FBXL17: variants seen among roughly 807,000 people sequenced by gnomAD.
FBXL17 encodes F-box/LRR-repeat protein 17.
Under a neutral mutation model 66.2 loss-of-function variants are expected in FBXL17, and 22 were observed. The observed-to-expected ratio is 0.33, with a 90% CI of 0.24 to 0.47. The LOEUF is 0.47. Ranked by LOEUF, FBXL17 falls within the 20% of genes least tolerant of loss-of-function variation. The pLI, the probability that FBXL17 is intolerant of heterozygous loss-of-function variation, is 1.00. For synonymous variants in FBXL17, 474 were observed against 400.5 expected, an observed-to-expected ratio of 1.18 and a Z score of -2.19; for missense variants, 878 against 948.2, an observed-to-expected ratio of 0.93 and a Z score of 0.97.
chr5:108,207,513 T>C (rs865829827), intron 5 of FBXL17, among the ~76,000 whole-genome samples: 5 of 152,218 alleles, frequency 3.3e-5, no homozygotes, highest in Non-Finnish European at 5.9e-5. Flanking sequence ...CGGAGTGTGA[T>C]GCTCCCCTCC....
chr5:107,921,047 T>C (rs1750301894), intron 7 of FBXL17, among the ~76,000 whole-genome samples: 1 of 152,204 alleles, frequency 6.6e-6, no homozygotes, highest in Non-Finnish European at 1.5e-5. Context: ...GATAGCTGCA[T>C]GAAAATTCAA....
At chr5:108,258,380 C>CAGCCT (rs1298163058) in intron 4 of FBXL17, among the ~76,000 whole-genome samples, 2 of 152,112 alleles carry the variant, frequency 1.3e-5, no homozygotes, top group Non-Finnish European at 2.9e-5. Context: ...TTCATTATGG[C>CAGCCT]AGCCTTAGCA....
chr5:108,251,035 A>C (rs755102658), intron 4 of FBXL17, among the ~76,000 whole-genome samples: 1 of 152,080 alleles, frequency 6.6e-6, no homozygotes, highest in Non-Finnish European at 1.5e-5. Context: ...GTTATTGCAA[A>C]AAATACTTCA....
rs1750005220 is a variant in FBXL17, at chr5:108,381,979, C to T, written c.-288G>A. On this transcript the variant is annotated 5_prime_UTR_variant, in exon 1 of 9. Coordinates refer to ENST00000542267, the MANE Select transcript of FBXL17 (RefSeq NM_001163315.3). The stretch of plus-strand genomic sequence containing the variant: ...GGAGCGAGCGAGCCTGCCGGCTAGG[C>T]GACCAGTCCGGGCCCGGCCAGCCGG... 8.2e-7 allele frequency: 1 copy of T among 1,212,210 alleles called. No homozygotes were observed. The highest frequency in any genetic ancestry group is 1.0e-6 in the Non-Finnish European group (1 of 972,840). The allele number at this position is 1,212,210 out of a possible 1,614,324, so 75.1% of individuals were successfully genotyped here.
chr5:108,042,192 C>A (rs1210343427), intron 6 of FBXL17, among the ~76,000 whole-genome samples: 4 of 152,198 alleles, frequency 2.6e-5, no homozygotes, highest in Non-Finnish European at 5.9e-5. Flanking sequence ...CCGCTCCTGG[C>A]CTTCAGTTTT....
chr5:108,319,624 C>A (rs1326368855), intron 4 of FBXL17, among the ~76,000 whole-genome samples: 1 of 151,046 alleles, frequency 6.6e-6, no homozygotes, highest in East Asian at 1.9e-4. Context: ...TTATATGTAA[C>A]CCTAGGAATC....
At chr5:108,354,272 A>G (rs1258657763) in intron 3 of FBXL17, among the ~76,000 whole-genome samples, 1 of 152,186 alleles carries the variant, frequency 6.6e-6, no homozygotes, top group Non-Finnish European at 1.5e-5. Flanking sequence ...TGGAATTACC[A>G]GGCCGGAAAT....
chr5:108,124,090 CAT>C (rs1750604841), intron 6 of FBXL17, among the ~76,000 whole-genome samples: 2 of 152,058 alleles, frequency 1.3e-5, no homozygotes, highest in African/African-American at 4.8e-5. Flanking sequence ...ATAAGAGAAG[CAT>C]ATTTACTAAT....
chr5:107,880,788 G>GTGA, intron 8 of FBXL17: 1 of 1,351,356 alleles, frequency 7.4e-7, no homozygotes. Context: ...AGTTGACTAT[G>GTGA]TATATGATTA....
Position 108,128,384 on chromosome 5 carries a change from C to T in FBXL17, c.1745+57733G>A, listed in dbSNP as rs1750802528. The stretch of plus-strand genomic sequence containing the variant: ...TTCCTCATTTGAGGTATCATTTTCT[C>T]TAATATGACCAGTCAGTTGTGCTAC... On this transcript the variant is annotated intron_variant, in intron 6 of 8. Transcript: ENST00000542267. Among the ~76,000 whole-genome samples the T allele has an allele frequency of 3.9e-5, 6 of 152,074 alleles. No individual in the cohort carries two copies. In the South Asian group the frequency reaches 1.2e-3, roughly 32 times the overall value.
chr5:108,237,192 T>C (rs886499730), intron 4 of FBXL17, among the ~76,000 whole-genome samples: 4 of 152,226 alleles, frequency 2.6e-5, no homozygotes, highest in East Asian at 1.9e-4. Context: ...CACTTAGGTA[T>C]ACTCAGACTC....
intron 7 of FBXL17, among the ~76,000 whole-genome samples, chr5:107,945,538 A>G (rs1327447490): frequency 1.3e-5 from 2 of 152,170 alleles, no homozygotes; most frequent in Non-Finnish European, 2.9e-5. Flanking sequence ...AGCAAACGTG[A>G]AATAATTAGG....
intron 6 of FBXL17, among the ~76,000 whole-genome samples, chr5:108,074,288 A>C (rs1365671285): frequency 2.0e-5 from 3 of 150,180 alleles, no homozygotes; most frequent in African/African-American, 2.5e-5. Context: ...CCTAGCTAAA[A>C]TCTGATAAGA....
At chr5:108,116,642 G>A (rs992057444) in intron 6 of FBXL17, among the ~76,000 whole-genome samples, 4 of 151,606 alleles carry the variant, frequency 2.6e-5, no homozygotes, top group South Asian at 4.2e-4. Flanking sequence ...ACAAGACTCC[G>A]TCTCAAAAAT....
chr5:108,248,769 G>A (rs192338394), intron 4 of FBXL17, among the ~76,000 whole-genome samples: 2 of 152,172 alleles, frequency 1.3e-5, no homozygotes, highest in East Asian at 3.9e-4. Context: ...CAGAAACCAT[G>A]TAAGCCAGAT....
chr5:108,031,184 T>C (rs1028685863), intron 6 of FBXL17, among the ~76,000 whole-genome samples: 1 of 152,066 alleles, frequency 6.6e-6, no homozygotes, highest in Non-Finnish European at 1.5e-5. Flanking sequence ...GAGAGAACAC[T>C]GTAATGGGGA....
chr5:108,273,431 C>A (rs1757358639), intron 4 of FBXL17, among the ~76,000 whole-genome samples: 1 of 151,544 alleles, frequency 6.6e-6, no homozygotes, highest in Non-Finnish European at 1.5e-5. Context: ...GGAAAGTATA[C>A]ATAAAAGTTT....
chr5:108,136,332 T>C (rs1338611559), intron 6 of FBXL17, among the ~76,000 whole-genome samples: 1 of 152,148 alleles, frequency 6.6e-6, no homozygotes, highest in Non-Finnish European at 1.5e-5. Context: ...AAACATACTT[T>C]AGCTTGGTAA....
chr5:108,079,155 T>C (rs1187166721), intron 6 of FBXL17, among the ~76,000 whole-genome samples: 2 of 143,960 alleles, frequency 1.4e-5, no homozygotes, highest in East Asian at 4.6e-4. Context: ...AACCTCTCTT[T>C]CTTTTTTTTT....
Sources: allele counts gnomAD v4.1 joint callset (sites outside exome capture counted in the v4.1 genomes callset), GRCh38; gene constraint gnomAD v4.1.1; transcripts MANE v1.5; gene names NCBI Gene and HGNC (gene_info 2026-07-23, HGNC 2026-07-21).